Variants in CDC42BPA observed in about 807,000 individuals in gnomAD.
CDC42BPA encodes the protein CDC42 binding protein kinase alpha.
In CDC42BPA, 80 loss-of-function variants were observed where a neutral mutation model predicts 223.5. That is an observed-to-expected ratio of 0.36 (90% CI 0.30 to 0.43). The LOEUF is 0.43. CDC42BPA is among the 20% of genes least tolerant of loss of function. The pLI is 1.00. For synonymous variants in CDC42BPA, 694 were observed against 718.6 expected, an observed-to-expected ratio of 0.97 and a Z score of 0.55; for missense variants, 1,743 against 2,099.9, an observed-to-expected ratio of 0.83 and a Z score of 3.32.
intron 5 of CDC42BPA, 123 bp downstream of exon 5, chr1:227,193,663 A>ATTTTTT (rs150257854): frequency 1.3e-6 from 1 of 759,830 alleles, no homozygotes. Context: ...TCTCAAAATA[A>ATTTTTT]TTTTTTTTGG....
intron 14 of CDC42BPA, among the ~76,000 whole-genome samples, chr1:227,104,607 C>A (rs1685587707): frequency 6.6e-6 from 1 of 151,992 alleles, no homozygotes. Context: ...TATGTTGAAG[C>A]CCTAACCACC....
chr1:227,176,469 GCAAA>G (rs1311328669), intron 5 of CDC42BPA, among the ~76,000 whole-genome samples: 4 of 152,026 alleles, frequency 2.6e-5, no homozygotes, highest in African/African-American at 7.3e-5. Flanking sequence ...TTTGATTACT[GCAAA>G]CAGTTTGAAA....
chr1:227,027,369 C>T (rs1185907065), intron 30 of CDC42BPA, among the ~76,000 whole-genome samples: 1 of 152,090 alleles, frequency 6.6e-6, no homozygotes, highest in Non-Finnish European at 1.5e-5. Context: ...CTTGACTAGA[C>T]CCATACCCAT....
rs549875729 is a variant in CDC42BPA, at chr1:227,285,078, C to T, written c.179-30923G>A. Among the ~76,000 whole-genome samples, 7 of 152,260 alleles carry T rather than the reference C, an allele frequency of 4.6e-5. No homozygotes were observed. In the South Asian group the frequency reaches 1.5e-3, roughly 32 times the overall value. On this transcript the variant is annotated intron_variant, in intron 1 of 36. Coordinates refer to ENST00000366766, the MANE Select transcript of CDC42BPA (RefSeq NM_001394014.1). ...AGTCTACCCAGCCAGACACACACCC[C>T]ACCTGACAAAATTCTTGTTTCTTGT...
At chr1:227,148,110 TA>T (rs1436052532) in intron 6 of CDC42BPA, among the ~76,000 whole-genome samples, 1 of 152,018 alleles carries the variant, frequency 6.6e-6, no homozygotes, top group African/African-American at 2.4e-5. Context: ...AAAGTTCCAA[TA>T]GAGAAAAAAA....
intron 1 of CDC42BPA, among the ~76,000 whole-genome samples, chr1:227,278,059 G>C (rs1026320049): frequency 6.6e-6 from 1 of 152,058 alleles, no homozygotes; most frequent in Non-Finnish European, 1.5e-5. Flanking sequence ...ACCCTTAGTA[G>C]TTTTTAACTT....
At chr1:227,005,288 C>A (rs1663781307) in intron 34 of CDC42BPA, among the ~76,000 whole-genome samples, 177 bp from the exon 35 acceptor site, 1 of 152,292 alleles carries the variant, frequency 6.6e-6, no homozygotes, top group East Asian at 1.9e-4. Flanking sequence ...AAAACCCTAA[C>A]ATGAAGTAAA....
intron 2 of CDC42BPA, among the ~76,000 whole-genome samples, chr1:227,215,156 A>T (rs1674606381): frequency 6.6e-6 from 1 of 152,210 alleles, no homozygotes; most frequent in Non-Finnish European, 1.5e-5. Flanking sequence ...ATCTTTCTAA[A>T]ATCCAAAAAT....
chr1:227,059,427 G>A (rs1378271029), intron 21 of CDC42BPA: 14 of 1,557,180 alleles, frequency 9.0e-6, no homozygotes, highest in Non-Finnish European at 1.2e-5. Context: ...ACAGAGAAAG[G>A]AGAATAGGAC....
chr1:227,077,124 A>G (rs773904440), intron 17 of CDC42BPA, among the ~76,000 whole-genome samples: 3 of 152,162 alleles, frequency 2.0e-5, no homozygotes, highest in Non-Finnish European at 4.4e-5. Flanking sequence ...AGTTCCTGAA[A>G]AGTTGGGGCA....
At chr1:227,248,438 A>T (rs1287060700) in intron 2 of CDC42BPA, among the ~76,000 whole-genome samples, 1 of 151,994 alleles carries the variant, frequency 6.6e-6, no homozygotes, top group Non-Finnish European at 1.5e-5. Flanking sequence ...AAATCAACAT[A>T]CAAAAATCAG....
Position 227,274,570 on chromosome 1 carries a change from T to C in CDC42BPA, c.179-20415A>G, listed in dbSNP as rs116319137. Among the ~76,000 whole-genome samples, 836 of 152,274 alleles carry C rather than the reference T, an allele frequency of 5.5e-3. 8 individuals carry two copies. The highest frequency in any genetic ancestry group is 0.019 in the African/African-American group (794 of 41,556). On this transcript the variant is annotated intron_variant, in intron 1 of 36. Coordinates refer to ENST00000366766, the MANE Select transcript of CDC42BPA (RefSeq NM_001394014.1). ...AAAAGCTTTTTAAATGGTAGAAATATATCCAAATAAATCTGTATTTATAAT... is the reference window on the plus strand; with the variant it reads ...AAAAGCTTTTTAAATGGTAGAAATACATCCAAATAAATCTGTATTTATAAT...
chr1:227,123,939 C>T (rs577398774), intron 11 of CDC42BPA, among the ~76,000 whole-genome samples: 8 of 151,874 alleles, frequency 5.3e-5, no homozygotes, highest in Non-Finnish European at 1.0e-4. Flanking sequence ...AACATAAGAA[C>T]GAGAGTCTCA....
At chr1:227,034,837 A>G in intron 25 of CDC42BPA, 43 bp from the exon 26 acceptor site, 2 of 1,526,458 alleles carry the variant, frequency 1.3e-6, no homozygotes, top group Non-Finnish European at 1.8e-6. Context: ...AACAACTCAA[A>G]TGAAAATATC....
Position 227,028,971 on chromosome 1 carries a change from C to T in CDC42BPA, c.4118G>A (p.Arg1373Lys). The T allele has an allele frequency of 6.2e-7, 1 of 1,614,132 alleles. No homozygotes were observed. Among genetic ancestry groups the T allele is most frequent in the Non-Finnish European group, 8.5e-7 (1 of 1,180,040 alleles). ...YELFQSKTRH[R>K]KFKEIQVPYN... ...TGGGACTTGAATTTCTTTAAATTTTCTGTGACGGGTCTTGCTCTGAAATAG... is the reference window on the plus strand; with the variant it reads ...TGGGACTTGAATTTCTTTAAATTTTTTGTGACGGGTCTTGCTCTGAAATAG... The change falls in exon 30 of 37, where the codon AGA becomes AAA. Residue 1373 changes from arginine (R) to lysine (K), a missense_variant. Arg to Lys is a conservative substitution (Grantham distance 26). Around this residue, in one of 6 missense-constraint regions of CDC42BPA, gnomAD observed 678 missense variants for 777.5 expected, o/e 0.87. Coordinates refer to ENST00000366766, the MANE Select transcript of CDC42BPA (RefSeq NM_001394014.1).
At chr1:227,148,772 C>CAAAAAAGAAAAAAAAAAAAAAAAAAAA (rs1187846598) in intron 6 of CDC42BPA, among the ~76,000 whole-genome samples, 1 of 78,786 alleles carries the variant, frequency 1.3e-5, no homozygotes, top group Non-Finnish European at 2.2e-5. Context: ...GTCTCAAAAG[C>CAAAAAAGAAAAAAAAAAAAAAAAAAAA]AAAAAAAAAA....
At position 227,033,380 on chromosome 1, in the gene CDC42BPA, G is replaced by A. The variant is rs1162391049; in HGVS notation, c.3512C>T (p.Ser1171Phe). Residue 1171 changes from serine to phenylalanine, a missense_variant, in exon 27 of 37, where the codon TCT (serine) becomes TTT (phenylalanine). This residue lies in a region of CDC42BPA where 678 missense variants were observed against 777.5 expected (regional missense o/e 0.87). Transcript: ENST00000366766. The part of the protein sequence containing the change: ...EEFSVSSVLA[S>F]DVIHASRKDI... ...TTTCCGACTTGCATGGATAACATCA[G>A]AAGCCAAGACTGAACTCACAGAAAA... is the stretch of plus-strand genomic sequence containing the variant. 6.8e-6 allele frequency: 11 copies of A among 1,613,660 alleles called. No individual in the cohort carries two copies. Among genetic ancestry groups the A allele is most frequent in the Non-Finnish European group, 9.3e-6 (11 of 1,179,642 alleles).
intron 3 of CDC42BPA, among the ~76,000 whole-genome samples, chr1:227,212,647 A>G (rs73094355): frequency 0.056 from 8,555 of 152,226 alleles, 789 homozygotes; most frequent in African/African-American, 0.19. Flanking sequence ...ATAAAAATGC[A>G]GGCAGTTCTT....
At chr1:227,286,408 T>C (rs1217025318) in intron 1 of CDC42BPA, among the ~76,000 whole-genome samples, 1 of 152,128 alleles carries the variant, frequency 6.6e-6, no homozygotes, top group Admixed American at 6.5e-5. Flanking sequence ...TGCTAAGGTG[T>C]AACAAGGGTG....
Sources: allele counts gnomAD v4.1 joint callset (sites outside exome capture counted in the v4.1 genomes callset), GRCh38; gene constraint gnomAD v4.1.1; regional missense constraint gnomAD v4.1.1; transcripts MANE v1.5; gene names NCBI Gene and HGNC (gene_info 2026-07-23, HGNC 2026-07-21).